The following LRBA variants were observed in gnomAD, a reference collection of about 807,000 sequenced individuals.
LRBA encodes lipopolysaccharide-responsive and beige-like anchor protein.
LRBA carries 176 observed loss-of-function variants against 330.0 expected under a neutral mutation model. The observed-to-expected ratio is 0.53, with a 90% CI of 0.47 to 0.60. LRBA has a LOEUF of 0.60. LRBA is among the 20% of genes least tolerant of loss of function. The pLI is 0.00. For missense variants in LRBA, 3,259 were observed against 3,444.8 expected (o/e 0.95, Z 1.35); for synonymous variants, 1,230 against 1,193.0 (o/e 1.03, Z -0.64).
intron 44 of LRBA, among the ~76,000 whole-genome samples, chr4:150,447,072 G>A (rs142307248): frequency 6.6e-6 from 1 of 152,140 alleles, no homozygotes; most frequent in Non-Finnish European, 1.5e-5. Context: ...AGGGTTTTGG[G>A]CTGCCTCTAC....
At chr4:150,990,928 C>A (rs1741999045) in intron 2 of LRBA, among the ~76,000 whole-genome samples, 1 of 151,610 alleles carries the variant, frequency 6.6e-6, no homozygotes, top group Non-Finnish European at 1.5e-5. Context: ...CTGAGAGGCA[C>A]AAGAATCACT....
At chr4:150,390,487 G>A (rs1743764885) in intron 47 of LRBA, among the ~76,000 whole-genome samples, 1 of 152,126 alleles carries the variant, frequency 6.6e-6, no homozygotes, top group Admixed American at 6.6e-5. Flanking sequence ...ACCACTAACT[G>A]TGAATAAAGT....
chr4:150,793,948 C>A (rs1171196243), intron 34 of LRBA, among the ~76,000 whole-genome samples: 1 of 152,066 alleles, frequency 6.6e-6, no homozygotes, highest in Non-Finnish European at 1.5e-5. Flanking sequence ...AACAAGTAAA[C>A]CAATTAGCAT....
chr4:150,512,947 T>C (rs1024539782), intron 40 of LRBA, among the ~76,000 whole-genome samples: 4 of 152,192 alleles, frequency 2.6e-5, no homozygotes, highest in Non-Finnish European at 5.9e-5. Flanking sequence ...ACATTAATAG[T>C]AACATAATAG....
intron 9 of LRBA, among the ~76,000 whole-genome samples, chr4:150,913,518 G>A (rs1412818631): frequency 1.3e-5 from 2 of 152,150 alleles, no homozygotes; most frequent in East Asian, 1.9e-4. Context: ...TTGTTTCATC[G>A]AGTGTTATGT....
In LRBA at chr4:150,753,112, T is replaced by A. The variant is rs189362575; in HGVS notation, c.5645+8671A>T. On this transcript the variant is annotated intron_variant, in intron 35 of 56. Transcript: ENST00000651943. ...ATTCATAGAAATTCATCTTTTCAGA[T>A]TCCACTCTGACCACTCTTATTTAAC... is the stretch of plus-strand genomic sequence containing the variant. Among the ~76,000 whole-genome samples, 13 of 152,330 alleles carry A rather than the reference T, an allele frequency of 8.5e-5. No individual in the cohort carries two copies. The East Asian group carries it at 2.5e-3, about 29-fold the overall frequency.
chr4:150,747,003 T>C (rs1382124273), intron 35 of LRBA, among the ~76,000 whole-genome samples: 1 of 152,198 alleles, frequency 6.6e-6, no homozygotes, highest in Non-Finnish European at 1.5e-5. Context: ...GTTGACAAGG[T>C]ATCAGCCGTC....
intron 35 of LRBA, among the ~76,000 whole-genome samples, chr4:150,759,047 G>C (rs1416617890): frequency 6.6e-6 from 1 of 151,744 alleles, no homozygotes; most frequent in Non-Finnish European, 1.5e-5. Context: ...TTTCCAAGTA[G>C]CTGGTACTAT....
intron 56 of LRBA, among the ~76,000 whole-genome samples, chr4:150,274,964 G>A (rs929490528): frequency 3.3e-5 from 5 of 152,166 alleles, no homozygotes; most frequent in Non-Finnish European, 7.3e-5. Context: ...AAACCTGGCA[G>A]AGACACAAGA....
chr4:150,832,010 A>C (rs953153781), intron 28 of LRBA, 34 bp from the exon 29 acceptor site: 2 of 1,335,860 alleles, frequency 1.5e-6, no homozygotes, highest in Non-Finnish European at 2.0e-6. Flanking sequence ...TGATTATGTA[A>C]CCATAAAATA....
chr4:150,779,437 ATAT>A (rs1473293616), intron 34 of LRBA, among the ~76,000 whole-genome samples: 1 of 152,046 alleles, frequency 6.6e-6, no homozygotes, highest in Non-Finnish European at 1.5e-5. Context: ...TTATTAGATA[ATAT>A]TATGCAAAAC....
chr4:150,477,864 T>C (rs1016322475), intron 42 of LRBA, among the ~76,000 whole-genome samples: 3 of 152,044 alleles, frequency 2.0e-5, no homozygotes, highest in African/African-American at 7.2e-5. Flanking sequence ...CAGCCATGCT[T>C]CCTTATAGCC....
intron 33 of LRBA, among the ~76,000 whole-genome samples, chr4:150,804,041 T>G (rs1269894751): frequency 6.6e-6 from 1 of 152,066 alleles, no homozygotes; most frequent in Non-Finnish European, 1.5e-5. Context: ...TAAACATAGT[T>G]CATAAGTTGT....
At chr4:150,709,897 G>C (rs915900374) in intron 36 of LRBA, among the ~76,000 whole-genome samples, 1 of 151,898 alleles carries the variant, frequency 6.6e-6, no homozygotes, top group African/African-American at 2.4e-5. Flanking sequence ...ATGAGTAGAA[G>C]ATGAATAAAA....
rs375736828 is a variant in LRBA, at chr4:150,286,720, T to A, written c.8018-686A>T. Among the ~76,000 whole-genome samples the A allele has an allele frequency of 7.9e-5, 12 of 152,204 alleles. No individual in the cohort carries two copies. In the East Asian group the frequency reaches 2.3e-3, roughly 29 times the overall value. On this transcript the variant is annotated intron_variant, in intron 53 of 56. Transcript: ENST00000651943. ...GAGAAGGGGGGACAGAGGAGGAGTA[T>A]CCAAAAACTGGCAGATATTGCCGAA...
intron 44 of LRBA, 97 bp from the exon 45 acceptor site, chr4:150,436,961 T>A (rs1751199169): frequency 8.9e-7 from 1 of 1,125,790 alleles, no homozygotes; most frequent in African/African-American, 1.6e-5. Flanking sequence ...AGTATAAAAG[T>A]GAATTTTAAA....
At chr4:150,407,518 C>A (rs1746370444) in intron 47 of LRBA, among the ~76,000 whole-genome samples, 1 of 151,902 alleles carries the variant, frequency 6.6e-6, no homozygotes, top group African/African-American at 2.4e-5. Flanking sequence ...AATAGTTAAA[C>A]ACAAAAAACT....
At chr4:150,918,693 G>A (rs914376883) in intron 5 of LRBA, among the ~76,000 whole-genome samples, 1 of 152,174 alleles carries the variant, frequency 6.6e-6, no homozygotes, top group African/African-American at 2.4e-5. Flanking sequence ...AGGTTGCAGG[G>A]AGCCAAGATC....
At chr4:150,828,922 G>GGGGGGT (rs1491558415) in intron 29 of LRBA, among the ~76,000 whole-genome samples, 1 of 106,176 alleles carries the variant, frequency 9.4e-6, no homozygotes, top group East Asian at 2.7e-4. Context: ...CTTTTTTGGG[G>GGGGGGT]GTGTGTGTGT....
Sources: allele counts gnomAD v4.1 joint callset (sites outside exome capture counted in the v4.1 genomes callset), GRCh38; gene constraint gnomAD v4.1.1; transcripts MANE v1.5; gene names NCBI Gene and HGNC (gene_info 2026-07-23, HGNC 2026-07-21).